The following NPIPB2 variants were observed in gnomAD, a reference collection of about 807,000 sequenced individuals.
NPIPB2 encodes nuclear pore complex-interacting protein family member B2.
In NPIPB2, 27 loss-of-function variants were observed where a neutral mutation model predicts 30.8. The observed-to-expected ratio is 0.88, with a 90% CI of 0.65 to 1.21. The LOEUF (loss-of-function observed/expected upper bound fraction) is 1.21, where lower values mean the gene tolerates loss of function less well. Among genes scored for constraint, NPIPB2 ranks in the 50% most tolerant of loss-of-function variants. NPIPB2 has a pLI of 0.00. For missense variants in NPIPB2, 440 were observed against 446.2 expected (o/e 0.99, Z 0.13); for synonymous variants, 147 against 162.0 (o/e 0.91, Z 0.70).
chr16:11,969,109 C>T (rs2055218590), intron 1 of NPIPB2, among the ~76,000 whole-genome samples: 1 of 151,974 alleles, frequency 6.6e-6, no homozygotes, highest in African/African-American at 2.4e-5. Flanking sequence ...TCAGGTGATT[C>T]ACCTGCCTTG....
chr16:11,940,527 A>AAG (rs1359067820), intron 1 of NPIPB2, among the ~76,000 whole-genome samples: 1 of 149,534 alleles, frequency 6.7e-6, no homozygotes, highest in African/African-American at 2.5e-5. Context: ...TCACGAGGTC[A>AAG]AGAGATGGAG....
At chr16:11,952,928 T>C (rs1198136687) in intron 1 of NPIPB2, among the ~76,000 whole-genome samples, 1 of 152,100 alleles carries the variant, frequency 6.6e-6, no homozygotes, top group Non-Finnish European at 1.5e-5. Context: ...TGTGCCCAGA[T>C]GCTATTTGGG....
chr16:11,955,107 G>A lies in NPIPB2; in HGVS notation c.-583-12993C>T, dbSNP rs146408784. ...TTCAGAATTTAGGCTGGGCGCGGTG[G>A]CTCACACCTATAATCCCAGCATGGT... On this transcript the variant is annotated intron_variant, in intron 1 of 5. Coordinates refer to the NPIPB2 transcript ENST00000538896. 5.8e-3 allele frequency among the ~76,000 whole-genome samples: 884 copies of A among 152,046 alleles called. 13 individuals carry two copies. The highest frequency in any genetic ancestry group is 0.02 in the African/African-American group (842 of 41,486).
intron 1 of NPIPB2, among the ~76,000 whole-genome samples, chr16:11,971,604 C>G (rs566467258): frequency 1.3e-5 from 2 of 152,048 alleles, no homozygotes; most frequent in Admixed American, 1.3e-4. Flanking sequence ...AAGCAATCCT[C>G]CAGCCTCAGC....
chr16:11,972,725 G>C (rs1027373764), intron 1 of NPIPB2, among the ~76,000 whole-genome samples: 4 of 151,744 alleles, frequency 2.6e-5, no homozygotes, highest in African/African-American at 9.7e-5. Flanking sequence ...TTAGCTGGAC[G>C]TGGTGGTGGG....
At chr16:11,946,507 A>C (rs1398790254), upstream of NPIPB2, among the ~76,000 whole-genome samples, 2 of 151,478 alleles carry the variant, frequency 1.3e-5, no homozygotes, top group African/African-American at 4.9e-5. Flanking sequence ...CAGAAGTTTG[A>C]GGCTACTGTG....
upstream of NPIPB2, among the ~76,000 whole-genome samples, chr16:11,942,569 C>T (rs1038229335): frequency 6.6e-6 from 1 of 152,030 alleles, no homozygotes; most frequent in Admixed American, 6.6e-5. Context: ...AATTCTGAAC[C>T]CAAATGAGGG....
chr16:11,931,505 C>A (rs1253827449), intron 4 of NPIPB2, among the ~76,000 whole-genome samples: 1 of 152,128 alleles, frequency 6.6e-6, no homozygotes, highest in Non-Finnish European at 1.5e-5. Context: ...AGGCATCCTT[C>A]AGCACATGCT....
chr16:11,941,240 G>T (rs1405529491), intron 1 of NPIPB2: 9 of 1,521,238 alleles, frequency 5.9e-6, no homozygotes, highest in Non-Finnish European at 8.0e-6. Context: ...CACAGCACCC[G>T]CATGTCCTGG....
chr16:11,975,747 T>C (rs986796312), intron 1 of NPIPB2, among the ~76,000 whole-genome samples: 27 of 152,068 alleles, frequency 1.8e-4, no homozygotes, highest in South Asian at 2.1e-4. Flanking sequence ...CACGCCACCA[T>C]GCCTGGCTAA....
chr16:11,967,653 T>C (rs773558163), intron 1 of NPIPB2: 5 of 1,614,178 alleles, frequency 3.1e-6, no homozygotes, highest in Non-Finnish European at 4.2e-6. Flanking sequence ...AGGCCTCGAG[T>C]ACACGGTGGA....
intron 4 of NPIPB2, 99 bp downstream of exon 4, chr16:11,933,418 C>T: frequency 6.5e-7 from 1 of 1,543,196 alleles, no homozygotes. Flanking sequence ...ACTGAATTTG[C>T]CACAAATATT....
chr16:11,955,414 A>G (rs1596502645), intron 1 of NPIPB2, among the ~76,000 whole-genome samples: 1 of 151,376 alleles, frequency 6.6e-6, no homozygotes, highest in African/African-American at 2.4e-5. Flanking sequence ...TTTGGATAAG[A>G]AATTTGCCAT....
chr16:11,976,402 G>A (rs1026949488), intron 1 of NPIPB2, among the ~76,000 whole-genome samples: 5 of 152,202 alleles, frequency 3.3e-5, no homozygotes, highest in Non-Finnish European at 7.3e-5. Flanking sequence ...TTGCCCATCC[G>A]CCTGTGCCCA....
intron 1 of NPIPB2, among the ~76,000 whole-genome samples, chr16:11,940,818 T>G (rs1012868826): frequency 3.5e-5 from 5 of 143,652 alleles, no homozygotes; most frequent in Non-Finnish European, 6.1e-5. Context: ...TCAAATGACA[T>G]TTCACTTTGT....
chr16:11,949,237 G>A (rs1055647113), intron 1 of NPIPB2, among the ~76,000 whole-genome samples: 1 of 152,156 alleles, frequency 6.6e-6, no homozygotes, highest in Admixed American at 6.6e-5. Flanking sequence ...CAATACTTGC[G>A]AAGCCTTTTC....
At chr16:11,933,056 T>C (rs1596488922) in intron 4 of NPIPB2, among the ~76,000 whole-genome samples, 1 of 150,532 alleles carries the variant, frequency 6.6e-6, no homozygotes, top group Non-Finnish European at 1.5e-5. Flanking sequence ...AGGTCAGAAG[T>C]TCGAGACCAG....
intron 4 of NPIPB2, among the ~76,000 whole-genome samples, chr16:11,932,769 C>G (rs1466841326): frequency 2.1e-5 from 1 of 46,700 alleles, no homozygotes; most frequent in African/African-American, 7.9e-5. Flanking sequence ...GAGTGAGACT[C>G]TGTCTCAAAA....
intron 1 of NPIPB2, among the ~76,000 whole-genome samples, chr16:11,976,120 C>A (rs992642503): frequency 5.3e-5 from 8 of 151,984 alleles, no homozygotes; most frequent in Non-Finnish European, 8.8e-5. Context: ...CCTCCACCTC[C>A]TCAATCTCCT....
Sources: gnomAD v4.1 joint callset for allele counts (sites outside exome capture counted in the v4.1 genomes callset) on GRCh38, gnomAD v4.1.1 for gene constraint, MANE v1.5 for transcripts, NCBI Gene and HGNC (gene_info 2026-07-23, HGNC 2026-07-21) for gene names.